TGFA: variants seen among roughly 807,000 people sequenced by gnomAD.
The protein encoded by TGFA is transforming growth factor alpha, also known as protransforming growth factor alpha.
A neutral mutation model predicts 21.7 loss-of-function variants in TGFA; 12 were observed. The observed-to-expected ratio is 0.55, with a 90% CI of 0.35 to 0.90. TGFA has a LOEUF of 0.90. TGFA is among the 40% of genes least tolerant of loss of function. The pLI, the probability that TGFA is intolerant of heterozygous loss-of-function variation, is 0.01. For missense variants in TGFA, 178 were observed against 210.8 expected (o/e 0.84, Z 0.96); for synonymous variants, 79 against 88.1 (o/e 0.90, Z 0.58).
intron 2 of TGFA, among the ~76,000 whole-genome samples, chr2:70,475,179 C>A (rs900810095): frequency 6.6e-6 from 1 of 152,086 alleles, no homozygotes; most frequent in East Asian, 1.9e-4. Context: ...ATCTAAAGTA[C>A]CTGGTCTTAG....
chr2:70,534,696 GT>G, intron 1 of TGFA, among the ~76,000 whole-genome samples: 1 of 133,904 alleles, frequency 7.5e-6, no homozygotes, highest in East Asian at 1.9e-4. Context: ...TACCATACTT[GT>G]TTTTTTATAT....
intron 2 of TGFA, among the ~76,000 whole-genome samples, chr2:70,511,032 T>C (rs1286619856): frequency 6.6e-6 from 1 of 152,170 alleles, no homozygotes. Flanking sequence ...CCCATGCTCT[T>C]TTGAGCCCAT....
At chr2:70,480,761 C>T (rs945440122) in intron 2 of TGFA, among the ~76,000 whole-genome samples, 5 of 152,102 alleles carry the variant, frequency 3.3e-5, no homozygotes, top group African/African-American at 9.7e-5. Context: ...GACTGATTTC[C>T]GTTGGTGGAT....
intron 1 of TGFA, among the ~76,000 whole-genome samples, chr2:70,540,256 T>C (rs1673096807): frequency 6.6e-6 from 1 of 152,234 alleles, no homozygotes; most frequent in South Asian, 2.1e-4. Context: ...TTTATCTTCT[T>C]GGTCCTGAAT....
chr2:70,492,275 C>T (rs1289647932), intron 2 of TGFA, among the ~76,000 whole-genome samples: 2 of 152,176 alleles, frequency 1.3e-5, no homozygotes, highest in South Asian at 4.1e-4. Flanking sequence ...TACTTGAATG[C>T]GCCATTTCCT....
intron 2 of TGFA, among the ~76,000 whole-genome samples, chr2:70,504,483 TACACACACACACACAC>T (rs58997765): frequency 1.1e-5 from 1 of 92,098 alleles, no homozygotes; most frequent in Admixed American, 1.2e-4. Context: ...CATACATACA[TACACACACACACACAC>T]ACACACACAC....
chr2:70,503,582 T>TAA (rs1405451186), intron 2 of TGFA, among the ~76,000 whole-genome samples: 1 of 142,814 alleles, frequency 7.0e-6, no homozygotes, highest in African/African-American at 2.6e-5. Context: ...ATAATAATAA[T>TAA]AAAAAAAAAA....
At chr2:70,492,605 G>A (rs2103789539) in intron 2 of TGFA, among the ~76,000 whole-genome samples, 1 of 152,336 alleles carries the variant, frequency 6.6e-6, no homozygotes, top group Non-Finnish European at 1.5e-5. Context: ...TTCAGGCCCA[G>A]GCTTCTGTTT....
intron 2 of TGFA, among the ~76,000 whole-genome samples, chr2:70,504,509 C>T (rs1553499837): frequency 7.0e-6 from 1 of 142,602 alleles, no homozygotes; most frequent in Admixed American, 7.0e-5. Context: ...CACACACACA[C>T]ACACACACAG....
intron 5 of TGFA, among the ~76,000 whole-genome samples, chr2:70,451,467 T>C (rs1253214461): frequency 6.6e-6 from 1 of 151,998 alleles, no homozygotes; most frequent in African/African-American, 2.4e-5. Flanking sequence ...GCCTGACAGG[T>C]GCTATATGAG....
chr2:70,487,655 G>A (rs782783627), intron 2 of TGFA, among the ~76,000 whole-genome samples: 24 of 152,166 alleles, frequency 1.6e-4, no homozygotes, highest in Non-Finnish European at 3.5e-4. Flanking sequence ...TGGGATTAGG[G>A]ATGCTTAGTC....
At chr2:70,470,918 G>A (rs1327768596) in intron 2 of TGFA, among the ~76,000 whole-genome samples, 2 of 152,136 alleles carry the variant, frequency 1.3e-5, no homozygotes, top group African/African-American at 4.8e-5. Flanking sequence ...AAAGTTTCAA[G>A]ACATTTTCTC....
intron 3 of TGFA, among the ~76,000 whole-genome samples, chr2:70,460,249 A>G (rs1553491285): frequency 6.6e-6 from 1 of 152,152 alleles, no homozygotes; most frequent in Non-Finnish European, 1.5e-5. Context: ...GGGCATCAAG[A>G]TTTTTAAAGC....
intron 2 of TGFA, among the ~76,000 whole-genome samples, chr2:70,507,786 C>A (rs549245289): frequency 6.6e-6 from 1 of 152,168 alleles, no homozygotes; most frequent in African/African-American, 2.4e-5. Context: ...ATGGTAGATG[C>A]GCTATTAACT....
intron 1 of TGFA, among the ~76,000 whole-genome samples, chr2:70,546,501 G>T (rs1463846085): frequency 2.6e-5 from 4 of 151,916 alleles, no homozygotes; most frequent in African/African-American, 7.2e-5. Context: ...TATTATTTTT[G>T]TTTTGAGACA....
At chr2:70,523,265 A>T (rs1428977912) in intron 1 of TGFA, among the ~76,000 whole-genome samples, 4 of 152,202 alleles carry the variant, frequency 2.6e-5, no homozygotes, top group African/African-American at 9.7e-5. Flanking sequence ...GACCCCAAAG[A>T]GGCCTGGCCA....
chr2:70,457,743 T>A (rs1553490819), intron 3 of TGFA, among the ~76,000 whole-genome samples: 1 of 152,116 alleles, frequency 6.6e-6, no homozygotes, highest in African/African-American at 2.4e-5. Context: ...GGTTTCACCA[T>A]GTTGGCCACG....
At chr2:70,452,870 G>T (rs1189100429) in intron 5 of TGFA, among the ~76,000 whole-genome samples, 1 of 152,148 alleles carries the variant, frequency 6.6e-6, no homozygotes, top group Non-Finnish European at 1.5e-5. Flanking sequence ...TTGAAACTGG[G>T]AGGTGGAGAT....
At chr2:70,510,604 G>T (rs1672066143) in intron 2 of TGFA, among the ~76,000 whole-genome samples, 1 of 151,986 alleles carries the variant, frequency 6.6e-6, no homozygotes, top group Non-Finnish European at 1.5e-5. Context: ...AGACCAAATG[G>T]CCCAAAACCC....
Sources: allele counts gnomAD v4.1 joint callset (sites outside exome capture counted in the v4.1 genomes callset), GRCh38; gene constraint gnomAD v4.1.1; transcripts MANE v1.5; gene names NCBI Gene and HGNC (gene_info 2026-07-23, HGNC 2026-07-21).